Variants in ATOSA observed in about 807,000 individuals in gnomAD.
ATOSA encodes atos homolog protein A.
At chr15:52,688,885 A>C in the ATOSA span, among the ~76,000 whole-genome samples, 1 of 152,350 alleles carries the variant, frequency 6.6e-6, no homozygotes, top group East Asian at 1.9e-4. Context: ...CCAAAAGAGA[A>C]GGAATAACTT....
At chr15:52,623,590 A>C in the ATOSA span, among the ~76,000 whole-genome samples, 344 of 152,186 alleles carry the variant, frequency 2.3e-3, no homozygotes, top group South Asian at 5.0e-3. Flanking sequence ...AAGCCTTGAG[A>C]GAATAGGAAG....
the ATOSA span, among the ~76,000 whole-genome samples, chr15:52,660,538 G>A: frequency 6.6e-5 from 10 of 152,138 alleles, no homozygotes; most frequent in African/African-American, 1.9e-4. Flanking sequence ...CTTAGCCTTC[G>A]TATATTTCCT....
the ATOSA span, among the ~76,000 whole-genome samples, chr15:52,651,191 C>A: frequency 6.6e-6 from 1 of 152,116 alleles, no homozygotes; most frequent in East Asian, 1.9e-4. Context: ...TGTATGTTGT[C>A]TTCAAAATCC....
the ATOSA span, among the ~76,000 whole-genome samples, chr15:52,607,746 A>G: frequency 3.1e-4 from 47 of 152,248 alleles, no homozygotes; most frequent in Admixed American, 3.1e-3. Flanking sequence ...AATATGTAAT[A>G]TAACTGAACG....
At chr15:52,675,846 C>CA in the ATOSA span, among the ~76,000 whole-genome samples, 1 of 150,880 alleles carries the variant, frequency 6.6e-6, no homozygotes, top group Non-Finnish European at 1.5e-5. Flanking sequence ...GCGGAGCTTG[C>CA]AGTGAGCGGA....
At chr15:52,694,006 G>A in the ATOSA span, among the ~76,000 whole-genome samples, 3 of 151,968 alleles carry the variant, frequency 2.0e-5, no homozygotes, top group African/African-American at 7.3e-5. Context: ...TGGGTTAAGT[G>A]CACCATATGG....
the ATOSA span, among the ~76,000 whole-genome samples, chr15:52,633,622 A>C: frequency 1.3e-5 from 2 of 152,228 alleles, no homozygotes; most frequent in African/African-American, 4.8e-5. Context: ...GTGAAAGAAA[A>C]AAAAATCCCA....
the ATOSA span, among the ~76,000 whole-genome samples, chr15:52,612,449 G>A: frequency 1.4e-4 from 21 of 150,620 alleles, no homozygotes; most frequent in African/African-American, 1.2e-4. Context: ...TCTTAAATCC[G>A]AACACCAAAA....
At chr15:52,655,573 C>T in the ATOSA span, among the ~76,000 whole-genome samples, 5 of 152,162 alleles carry the variant, frequency 3.3e-5, no homozygotes, top group South Asian at 4.1e-4. Flanking sequence ...TTAAGCACTT[C>T]TTTGAAATTC....
the ATOSA span, among the ~76,000 whole-genome samples, chr15:52,582,546 T>A: frequency 6.6e-6 from 1 of 152,236 alleles, no homozygotes; most frequent in Non-Finnish European, 1.5e-5. Flanking sequence ...GTGCCTGAGA[T>A]GCTTCTTCCT....
At chr15:52,582,119 G>C in the ATOSA span, 1 of 1,495,336 alleles carries the variant, frequency 6.7e-7, no homozygotes, top group Non-Finnish European at 8.9e-7. Context: ...TGCAAACTTG[G>C]GTACTGAGTA....
the ATOSA span, among the ~76,000 whole-genome samples, chr15:52,645,250 C>T: frequency 2.6e-5 from 4 of 152,098 alleles, no homozygotes; most frequent in Non-Finnish European, 2.9e-5. Context: ...GCCAGCCTGG[C>T]GAACATGGTG....
At chr15:52,692,272 TAGAA>T in the ATOSA span, among the ~76,000 whole-genome samples, 2 of 152,160 alleles carry the variant, frequency 1.3e-5, no homozygotes, top group South Asian at 4.1e-4. Flanking sequence ...ATAAAGAAAA[TAGAA>T]AGCAAATGAT....
At chr15:52,647,283 A>T in the ATOSA span, among the ~76,000 whole-genome samples, 1 of 152,306 alleles carries the variant, frequency 6.6e-6, no homozygotes, top group African/African-American at 2.4e-5. Context: ...TGATCAAAAT[A>T]TGAAAAATAG....
At chr15:52,628,483 G>T in the ATOSA span, among the ~76,000 whole-genome samples, 4 of 152,040 alleles carry the variant, frequency 2.6e-5, no homozygotes. Flanking sequence ...TAATAAAATG[G>T]GTACTAATAC....
At chr15:52,641,850 T>C in the ATOSA span, among the ~76,000 whole-genome samples, 1 of 152,246 alleles carries the variant, frequency 6.6e-6, no homozygotes, top group Non-Finnish European at 1.5e-5. Flanking sequence ...AAAGGCAGTA[T>C]CCTTTGATAA....
chr15:52,643,148 T>C, the ATOSA span, among the ~76,000 whole-genome samples: 3 of 152,264 alleles, frequency 2.0e-5, no homozygotes, highest in South Asian at 6.2e-4. Context: ...AGACGTACCA[T>C]GAAAAAATTT....
the ATOSA span, chr15:52,584,739 C>G: frequency 6.2e-7 from 1 of 1,606,616 alleles, no homozygotes; most frequent in African/African-American, 1.3e-5. Context: ...TAATTTGAAG[C>G]ATTACCTCAG....
the ATOSA span, chr15:52,605,355 T>C: frequency 1.5e-6 from 1 of 681,658 alleles, no homozygotes; most frequent in Admixed American, 3.2e-5. Flanking sequence ...GAGGTATTGC[T>C]GGTGAAGCTG....
Sources: allele counts gnomAD v4.1 joint callset (sites outside exome capture counted in the v4.1 genomes callset), GRCh38; gene constraint gnomAD v4.1.1; transcripts MANE v1.5; gene names NCBI Gene and HGNC (gene_info 2026-07-23, HGNC 2026-07-21).